The following SLC24A2 variants were observed in gnomAD, a reference collection of about 807,000 sequenced individuals.
The protein encoded by SLC24A2 is solute carrier family 24 member 2, also known as sodium/potassium/calcium exchanger 2.
A neutral mutation model predicts 62.0 loss-of-function variants in SLC24A2; 36 were observed. The observed-to-expected ratio is 0.58, with a 90% CI of 0.44 to 0.77. The LOEUF (loss-of-function observed/expected upper bound fraction) is 0.77, where lower values mean the gene tolerates loss of function less well. SLC24A2 is among the 30% of genes least tolerant of loss of function. The pLI, the probability that SLC24A2 is intolerant of heterozygous loss-of-function variation, is 0.00. For missense variants in SLC24A2, 846 were observed against 817.9 expected, an observed-to-expected ratio of 1.03 and a Z score of -0.42; for synonymous variants, 358 against 294.0, an observed-to-expected ratio of 1.22 and a Z score of -2.23.
intron 2 of SLC24A2, among the ~76,000 whole-genome samples, chr9:19,709,846 C>T (rs1820661445): frequency 6.6e-6 from 1 of 151,744 alleles, no homozygotes; most frequent in Non-Finnish European, 1.5e-5. Flanking sequence ...CACATGTATA[C>T]ATATGTAACT....
At chr9:19,773,349 T>C (rs986626486) in intron 2 of SLC24A2, among the ~76,000 whole-genome samples, 1 of 152,132 alleles carries the variant, frequency 6.6e-6, no homozygotes, top group Non-Finnish European at 1.5e-5. Context: ...AAAAAGTCAA[T>C]AGAGAAACAT....
rs867066268 is a variant in SLC24A2, at chr9:19,514,119, T to G, written c.*2034A>C. 3.9e-4 allele frequency: 60 copies of G among 152,318 alleles called. No individual in the cohort carries two copies. Among genetic ancestry groups the G allele is most frequent in the Middle Eastern group, 3.4e-3 (1 of 298 alleles). The allele number at this position is 152,318 out of a possible 1,614,324, so 9.4% of individuals were successfully genotyped here. On this transcript the variant is annotated 3_prime_UTR_variant, in exon 11 of 11. Coordinates refer to ENST00000341998, the MANE Select transcript of SLC24A2 (RefSeq NM_020344.4). ...GGGGGCCTCGGGTTTGAAGTGCTTT[T>G]TACTTCTGGGTGAAGAGGAATGATG...
chr9:19,548,525 G>A (rs1308031462), intron 8 of SLC24A2, among the ~76,000 whole-genome samples: 1 of 152,190 alleles, frequency 6.6e-6, no homozygotes, highest in Non-Finnish European at 1.5e-5. Context: ...CTCAGGGTTG[G>A]GAAGGACTTT....
intron 2 of SLC24A2, among the ~76,000 whole-genome samples, chr9:19,698,865 T>C (rs1457925771): frequency 6.6e-6 from 1 of 152,198 alleles, no homozygotes; most frequent in Non-Finnish European, 1.5e-5. Context: ...GCTCACAAAG[T>C]ATGGCATATC....
At chr9:20,004,528 C>A in the SLC24A2 span, among the ~76,000 whole-genome samples, 59 of 152,306 alleles carry the variant, frequency 3.9e-4, no homozygotes, top group African/African-American at 1.1e-3. Flanking sequence ...ATGAGACTAC[C>A]TGCCTAAAGA....
At chr9:20,279,001 T>C in the SLC24A2 span, among the ~76,000 whole-genome samples, 2 of 152,106 alleles carry the variant, frequency 1.3e-5, no homozygotes, top group African/African-American at 4.8e-5. Flanking sequence ...CATGTCCTTC[T>C]TCATATGGCA....
chr9:20,165,179 C>G, the SLC24A2 span, among the ~76,000 whole-genome samples: 1 of 151,818 alleles, frequency 6.6e-6, no homozygotes, highest in Non-Finnish European at 1.5e-5. Context: ...GAAAAGCCTA[C>G]TACCTTATTC....
At chr9:19,845,373 G>A in the SLC24A2 span, among the ~76,000 whole-genome samples, 2 of 152,134 alleles carry the variant, frequency 1.3e-5, no homozygotes, top group Non-Finnish European at 2.9e-5. Context: ...TTTGTATCCT[G>A]ACACTTTACT....
the SLC24A2 span, among the ~76,000 whole-genome samples, chr9:19,854,734 G>C: frequency 1.3e-5 from 2 of 152,170 alleles, no homozygotes; most frequent in South Asian, 4.1e-4. Flanking sequence ...TTTAGAGTAA[G>C]TGCCATGTGG....
intron 2 of SLC24A2, among the ~76,000 whole-genome samples, chr9:19,710,748 A>G (rs529016104): frequency 6.6e-6 from 1 of 152,270 alleles, no homozygotes; most frequent in East Asian, 1.9e-4. Context: ...ATATGGTCTC[A>G]TGGGGGTTTT....
chr9:20,000,900 G>A, the SLC24A2 span, among the ~76,000 whole-genome samples: 3 of 152,174 alleles, frequency 2.0e-5, no homozygotes, highest in Non-Finnish European at 4.4e-5. Flanking sequence ...AGGACGGAAG[G>A]AGGCAGGAAG....
At chr9:19,802,541 A>G in the SLC24A2 span, among the ~76,000 whole-genome samples, 1 of 152,256 alleles carries the variant, frequency 6.6e-6, no homozygotes, top group Admixed American at 6.5e-5. Context: ...ATTAAAAGGT[A>G]GAAATGTTAA....
At chr9:19,565,845 A>G (rs1056218930) in intron 7 of SLC24A2, among the ~76,000 whole-genome samples, 3 of 152,166 alleles carry the variant, frequency 2.0e-5, no homozygotes, top group African/African-American at 7.2e-5. Context: ...GACAAACATG[A>G]CAAAAACAAG....
chr9:19,727,397 C>A (rs1379665876), intron 2 of SLC24A2, among the ~76,000 whole-genome samples: 1 of 152,100 alleles, frequency 6.6e-6, no homozygotes, highest in Non-Finnish European at 1.5e-5. Flanking sequence ...TTTTAATTCT[C>A]CCCACTATCT....
At chr9:20,275,301 C>G in the SLC24A2 span, among the ~76,000 whole-genome samples, 1 of 152,182 alleles carries the variant, frequency 6.6e-6, no homozygotes, top group Non-Finnish European at 1.5e-5. Flanking sequence ...ATGGCTCACT[C>G]ACACTAATGC....
chr9:19,828,475 A>G, the SLC24A2 span, among the ~76,000 whole-genome samples: 1 of 152,202 alleles, frequency 6.6e-6, no homozygotes, highest in African/African-American at 2.4e-5. Flanking sequence ...AAGAATAAAT[A>G]AAACAAACCA....
chr9:20,200,754 C>T, the SLC24A2 span, among the ~76,000 whole-genome samples: 2 of 152,206 alleles, frequency 1.3e-5, no homozygotes. Flanking sequence ...TTGGCATTGA[C>T]TTCAGAGCTT....
chr9:20,077,578 G>A, the SLC24A2 span, among the ~76,000 whole-genome samples: 1 of 149,304 alleles, frequency 6.7e-6, no homozygotes, highest in Non-Finnish European at 1.5e-5. Context: ...GCTACTGGCT[G>A]CCCCCAGCTT....
chr9:19,668,065 G>A (rs1205210958), intron 2 of SLC24A2, among the ~76,000 whole-genome samples: 1 of 152,134 alleles, frequency 6.6e-6, no homozygotes, highest in East Asian at 1.9e-4. Flanking sequence ...CTCCTTGGAT[G>A]TGGAGGCTCT....
Sources: gnomAD v4.1 joint callset for allele counts (sites outside exome capture counted in the v4.1 genomes callset) on GRCh38, gnomAD v4.1.1 for gene constraint, MANE v1.5 for transcripts, NCBI Gene and HGNC (gene_info 2026-07-23, HGNC 2026-07-21) for gene names.